The following THADA variants were observed in gnomAD, a reference collection of about 807,000 sequenced individuals.
The protein encoded by THADA is THADA armadillo repeat containing.
A neutral mutation model predicts 219.8 loss-of-function variants in THADA; 213 were observed. The ratio of observed to expected loss-of-function variants is 0.97; its 90% CI spans 0.87 to 1.09. The LOEUF (loss-of-function observed/expected upper bound fraction) is 1.09. Among genes scored for constraint, THADA ranks in the 50% least tolerant of loss-of-function variants. The pLI is 0.00. For missense variants in THADA, 2,956 were observed against 2,311.3 expected, an observed-to-expected ratio of 1.28 and a Z score of -5.72; for synonymous variants, 1,018 against 828.9, an observed-to-expected ratio of 1.23 and a Z score of -3.92.
At chr2:43,271,872 C>G (rs1290492221) in intron 36 of THADA, among the ~76,000 whole-genome samples, 1 of 152,172 alleles carries the variant, frequency 6.6e-6, no homozygotes, top group Non-Finnish European at 1.5e-5. Context: ...GCCTCGGCCT[C>G]CCAGAGTGCT....
chr2:43,393,185 C>T (rs531519462), intron 29 of THADA, among the ~76,000 whole-genome samples: 2 of 152,224 alleles, frequency 1.3e-5, no homozygotes, highest in South Asian at 2.1e-4. Flanking sequence ...TTTCACGGGT[C>T]GCAGCTTCCC....
chr2:43,261,930 C>T (rs1454032236), intron 36 of THADA, among the ~76,000 whole-genome samples: 1 of 152,170 alleles, frequency 6.6e-6, no homozygotes, highest in Non-Finnish European at 1.5e-5. Context: ...AGCCACCGCG[C>T]CTGGCAATTT....
chr2:43,510,984 A>C (rs1690346025), intron 22 of THADA, among the ~76,000 whole-genome samples: 1 of 146,438 alleles, frequency 6.8e-6, no homozygotes. Context: ...AAAAACTAAA[A>C]AAATTTAAAA....
chr2:43,288,950 C>T (rs1282200435), intron 34 of THADA, among the ~76,000 whole-genome samples: 1 of 152,208 alleles, frequency 6.6e-6, no homozygotes, highest in African/African-American at 2.4e-5. Flanking sequence ...TATCACTTCC[C>T]TATCCTCCCA....
intron 20 of THADA, among the ~76,000 whole-genome samples, chr2:43,545,850 G>A (rs1350821350): frequency 3.9e-5 from 6 of 152,106 alleles, no homozygotes; most frequent in African/African-American, 1.4e-4. Flanking sequence ...ATTTTTTGAA[G>A]GGTTTTTTGT....
intron 28 of THADA, among the ~76,000 whole-genome samples, chr2:43,425,465 TG>T: frequency 6.6e-6 from 1 of 151,420 alleles, no homozygotes; most frequent in East Asian, 1.9e-4. Flanking sequence ...TGTGTGTGTG[TG>T]TGTGTGTGTG....
chr2:43,528,217 A>G (rs1574093172), intron 21 of THADA, among the ~76,000 whole-genome samples: 1 of 132,874 alleles, frequency 7.5e-6, no homozygotes, highest in East Asian at 2.1e-4. Context: ...TGCAACCTCC[A>G]CCTCCTGGGT....
chr2:43,595,807 CA>C (rs1386336320), intron 1 of THADA, 123 bp downstream of exon 1: 3 of 152,332 alleles, frequency 2.0e-5, no homozygotes, highest in Non-Finnish European at 2.9e-5. Flanking sequence ...AAATCAGTTT[CA>C]CAGCCGCCGA....
chr2:43,379,437 G>A (rs1046538908), intron 29 of THADA, among the ~76,000 whole-genome samples: 3 of 152,174 alleles, frequency 2.0e-5, no homozygotes, highest in African/African-American at 7.2e-5. Flanking sequence ...CATAATTAAT[G>A]TAAATGGATT....
chr2:43,322,711 A>C (rs1678881655), intron 30 of THADA, among the ~76,000 whole-genome samples: 1 of 86,154 alleles, frequency 1.2e-5, no homozygotes, highest in Admixed American at 1.9e-4. Flanking sequence ...TTTGAGACGG[A>C]GTCTCTCTCT....
chr2:43,436,717 G>C (rs1195317247), intron 26 of THADA, among the ~76,000 whole-genome samples: 1 of 152,102 alleles, frequency 6.6e-6, no homozygotes, highest in African/African-American at 2.4e-5. Flanking sequence ...GACTAAACTA[G>C]AAACTTTAAG....
intron 26 of THADA, among the ~76,000 whole-genome samples, chr2:43,453,347 G>A (rs1682596471): frequency 6.6e-6 from 1 of 152,170 alleles, no homozygotes; most frequent in Admixed American, 6.5e-5. Flanking sequence ...TCAAATAATA[G>A]GATAATTTTC....
chr2:43,280,157 G>C (rs192800592), intron 35 of THADA, among the ~76,000 whole-genome samples: 1 of 152,346 alleles, frequency 6.6e-6, no homozygotes, highest in African/African-American at 2.4e-5. Flanking sequence ...AAGGCCTCCA[G>C]AAGATGCTGC....
At chr2:43,540,928 T>C (rs181080231) in intron 21 of THADA, among the ~76,000 whole-genome samples, 2 of 152,318 alleles carry the variant, frequency 1.3e-5, no homozygotes, top group Admixed American at 6.5e-5. Flanking sequence ...AAAAGTGAGG[T>C]AAAATCTACA....
chr2:43,547,832 A>C (rs1696232621), intron 20 of THADA, among the ~76,000 whole-genome samples: 1 of 152,166 alleles, frequency 6.6e-6, no homozygotes, highest in African/African-American at 2.4e-5. Flanking sequence ...AGCTTGGAGT[A>C]GTTTGATCAT....
chr2:43,543,820 T>C (rs1310856703), intron 20 of THADA, among the ~76,000 whole-genome samples: 8 of 152,066 alleles, frequency 5.3e-5, no homozygotes, highest in African/African-American at 2.4e-5. Flanking sequence ...ATTTTGTAGG[T>C]TGCCTGTTCA....
intron 14 of THADA, among the ~76,000 whole-genome samples, chr2:43,569,571 A>T (rs1166976262): frequency 4.6e-5 from 7 of 152,222 alleles, no homozygotes; most frequent in Non-Finnish European, 8.8e-5. Flanking sequence ...CCCTTTGTAT[A>T]TAAATACTCT....
At chr2:43,311,722 A>G (rs542123121) in intron 31 of THADA, among the ~76,000 whole-genome samples, 29 of 152,252 alleles carry the variant, frequency 1.9e-4, no homozygotes, top group Admixed American at 9.2e-4. Context: ...GAACCTTCAA[A>G]ACATGTTAAG....
intron 22 of THADA, among the ~76,000 whole-genome samples, chr2:43,514,999 A>AATAT (rs1553470732): frequency 2.1e-5 from 1 of 47,456 alleles, no homozygotes; most frequent in South Asian, 7.4e-4. Flanking sequence ...TATAATATAT[A>AATAT]ATATTATATA....
Sources: gnomAD v4.1 joint callset for allele counts (sites outside exome capture counted in the v4.1 genomes callset) on GRCh38, gnomAD v4.1.1 for gene constraint, MANE v1.5 for transcripts, NCBI Gene and HGNC (gene_info 2026-07-23, HGNC 2026-07-21) for gene names.